Variants in OR51E2 observed in about 807,000 individuals in gnomAD.
The protein encoded by OR51E2 is olfactory receptor 51E2.
Under a neutral mutation model 13.7 loss-of-function variants are expected in OR51E2, and 14 were observed. The ratio of observed to expected loss-of-function variants is 1.02; its 90% CI spans 0.68 to 1.60. OR51E2 has a LOEUF of 1.60. Among genes scored for constraint, OR51E2 ranks in the 40% most tolerant of loss-of-function variants. The pLI, the probability that OR51E2 is intolerant of heterozygous loss-of-function variation, is 0.00. For synonymous variants in OR51E2, 180 were observed against 157.6 expected, an observed-to-expected ratio of 1.14 and a Z score of -1.07; for missense variants, 483 against 413.8, an observed-to-expected ratio of 1.17 and a Z score of -1.45.
chr11:4,692,516 C>G (rs1368230998), intron 1 of OR51E2, among the ~76,000 whole-genome samples: 2 of 152,208 alleles, frequency 1.3e-5, no homozygotes, highest in African/African-American at 2.4e-5. Context: ...TTGAATGTTA[C>G]TGTTTTGTTT....
chr11:4,686,020 G>A (rs532016606), intron 1 of OR51E2, among the ~76,000 whole-genome samples: 3 of 152,202 alleles, frequency 2.0e-5, no homozygotes, highest in African/African-American at 7.2e-5. Context: ...CAGCCATTAA[G>A]TATTTATTGG....
chr11:4,687,818 C>T (rs1847532977), intron 1 of OR51E2, among the ~76,000 whole-genome samples: 1 of 152,068 alleles, frequency 6.6e-6, no homozygotes, highest in Admixed American at 6.6e-5. Flanking sequence ...CCAGGCAGAC[C>T]AGAGAGGTCA....
At chr11:4,692,887 A>G (rs1467888151) in intron 1 of OR51E2, among the ~76,000 whole-genome samples, 2 of 152,148 alleles carry the variant, frequency 1.3e-5, no homozygotes, top group East Asian at 3.9e-4. Context: ...TGATTTAACT[A>G]AAATTAACAG....
At chr11:4,692,438 T>G (rs1847593988) in intron 1 of OR51E2, among the ~76,000 whole-genome samples, 1 of 152,270 alleles carries the variant, frequency 6.6e-6, no homozygotes, top group Non-Finnish European at 1.5e-5. Flanking sequence ...TTCAGTCTGC[T>G]GGAAGACTAG....
chr11:4,687,594 A>C (rs960694357), intron 1 of OR51E2, among the ~76,000 whole-genome samples: 3 of 152,198 alleles, frequency 2.0e-5, no homozygotes, highest in Non-Finnish European at 4.4e-5. Flanking sequence ...TACACATCAA[A>C]GATAGTATTT....
At chr11:4,687,214 T>C (rs973601323) in intron 1 of OR51E2, among the ~76,000 whole-genome samples, 5 of 152,198 alleles carry the variant, frequency 3.3e-5, no homozygotes, top group Admixed American at 6.5e-5. Flanking sequence ...TTGTGAGTTA[T>C]AGATATGAAA....
chr11:4,695,479 A>G (rs777781937), intron 1 of OR51E2, among the ~76,000 whole-genome samples: 4 of 152,196 alleles, frequency 2.6e-5, no homozygotes, highest in Non-Finnish European at 5.9e-5. Context: ...GGGATACAAG[A>G]CATAAGCCCT....
chr11:4,693,137 G>C (rs1268162534), intron 1 of OR51E2, among the ~76,000 whole-genome samples: 1 of 152,160 alleles, frequency 6.6e-6, no homozygotes, highest in Non-Finnish European at 1.5e-5. Context: ...ATAAATATTT[G>C]AGGTGATGGA....
intron 1 of OR51E2, among the ~76,000 whole-genome samples, chr11:4,686,993 T>C (rs532508224): frequency 6.6e-6 from 1 of 152,344 alleles, no homozygotes; most frequent in South Asian, 2.1e-4. Flanking sequence ...TCAGTTGTCC[T>C]TGAGGTTGAC....
intron 1 of OR51E2, among the ~76,000 whole-genome samples, chr11:4,694,475 C>CAT (rs1420740491): frequency 2.0e-5 from 3 of 150,538 alleles, no homozygotes; most frequent in African/African-American, 4.9e-5. Flanking sequence ...CTAAACTATA[C>CAT]ATATATATAC....
chr11:4,684,558 G>A (rs1472866767), intron 1 of OR51E2, among the ~76,000 whole-genome samples: 1 of 152,146 alleles, frequency 6.6e-6, no homozygotes, highest in Admixed American at 6.5e-5. Flanking sequence ...GGGGAACACA[G>A]GGACGTATAT....
intron 1 of OR51E2, among the ~76,000 whole-genome samples, chr11:4,687,697 C>T (rs1176812490): frequency 6.6e-6 from 1 of 152,028 alleles, no homozygotes; most frequent in Non-Finnish European, 1.5e-5. Flanking sequence ...AGTGCCTGGC[C>T]CCGAGAAGTG....
At chr11:4,689,496 T>TTA (rs1260614212) in intron 1 of OR51E2, among the ~76,000 whole-genome samples, 7 of 152,206 alleles carry the variant, frequency 4.6e-5, no homozygotes, top group Non-Finnish European at 8.8e-5. Context: ...GGGGCAAGCC[T>TTA]GTAGATACGA....
intron 1 of OR51E2, chr11:4,691,279 T>C (rs1401168147): frequency 4.4e-6 from 2 of 457,188 alleles, no homozygotes; most frequent in Non-Finnish European, 8.8e-6. Flanking sequence ...TGAGCTATTC[T>C]GGAGTCAGTT....
At chr11:4,686,876 A>T (rs1232660927) in intron 1 of OR51E2, among the ~76,000 whole-genome samples, 19 of 151,886 alleles carry the variant, frequency 1.3e-4, no homozygotes. Flanking sequence ...TTTCCTATAG[A>T]TGGAAGCTTA....
intron 1 of OR51E2, chr11:4,690,973 C>T (rs902990795): frequency 3.5e-5 from 16 of 454,058 alleles, no homozygotes; most frequent in Non-Finnish European, 7.1e-5. Context: ...ATGTGGGAGA[C>T]ACATGTACTG....
At position 4,691,556 on chromosome 11, in the gene OR51E2, G is replaced by A. The variant is rs111398163; in HGVS notation, c.-51+6097C>T. On this transcript the variant is annotated intron_variant, in intron 1 of 1. Coordinates refer to ENST00000396950, the MANE Select transcript of OR51E2 (RefSeq NM_030774.4). ...GGAGGCTGGGCTGAGTGATGGTAGC[G>A]AAGAGGATCAGGCTGTTTCCCAAGA... The A allele has an allele frequency of 7.8e-3, 3,577 of 456,966 alleles. 18 individuals carry two copies. Among genetic ancestry groups the A allele is most frequent in the Non-Finnish European group, 0.012 (2,661 of 226,916 alleles). The allele number at this position is 456,966 out of a possible 1,614,324, so 28.3% of individuals were successfully genotyped here.
In OR51E2 at chr11:4,681,807, A is replaced by AC. The variant is rs763844103; in HGVS notation, c.904dup (p.Val302GlyfsTer10). ...ACAGCTGATCTTGAACATAGCCAGCACCCGTGTTCTGATCTGTTTGGTTTT... is the reference window on the plus strand; with the variant it reads ...ACAGCTGATCTTGAACATAGCCAGCACCCCGTGTTCTGATCTGTTTGGTTTT... On this transcript the variant is annotated frameshift_variant, in exon 2 of 2. Coordinates refer to ENST00000396950, the MANE Select transcript of OR51E2 (RefSeq NM_030774.4). LOFTEE classifies it high-confidence loss of function. 7.1e-5 allele frequency: 115 copies of AC among 1,614,188 alleles called. 1 individual carries two copies. The highest frequency in any genetic ancestry group is 4.7e-4 in the South Asian group (43 of 91,076).
At chr11:4,690,928 T>G in intron 1 of OR51E2, 1 of 455,682 alleles carries the variant, frequency 2.2e-6, no homozygotes. Context: ...ATGGACAGAC[T>G]GATCAATGGA....
Sources: allele counts gnomAD v4.1 joint callset (sites outside exome capture counted in the v4.1 genomes callset), GRCh38; gene constraint gnomAD v4.1.1; transcripts MANE v1.5; gene names NCBI Gene and HGNC (gene_info 2026-07-23, HGNC 2026-07-21).